PKHD1L1: variants seen among roughly 807,000 people sequenced by gnomAD.
The protein encoded by PKHD1L1 is fibrocystin-L.
In PKHD1L1, 434 loss-of-function variants were observed where a neutral mutation model predicts 462.9. The observed-to-expected ratio is 0.94, with a 90% CI of 0.87 to 1.02. The LOEUF (loss-of-function observed/expected upper bound fraction) is 1.02, where lower values mean the gene tolerates loss of function less well. Ranked by LOEUF, PKHD1L1 falls within the 50% of genes least tolerant of loss-of-function variation. The pLI, the probability that PKHD1L1 is intolerant of heterozygous loss-of-function variation, is 0.00. For missense variants in PKHD1L1, 5,202 were observed against 5,096.1 expected, an observed-to-expected ratio of 1.02 and a Z score of -0.63; for synonymous variants, 1,781 against 1,750.0, an observed-to-expected ratio of 1.02 and a Z score of -0.44.
rs1563550118 is a variant in PKHD1L1 at position 109,444,772 on chromosome 8, TTGAC to T, written c.4906_4909del (p.Thr1636SerfsTer38). 5 of 1,613,934 alleles carry T rather than the reference TTGAC, an allele frequency of 3.1e-6. No homozygotes were observed. Among genetic ancestry groups the T allele is most frequent in the Admixed American group, 1.7e-5 (1 of 60,008 alleles). Reference sequence around the variant, plus strand: ...TGTTGGTATCAGGGAAACTGTCACTTTGACTGTCTACAACCTGGGCACTGCTATC... The same window carrying T: ...TGTTGGTATCAGGGAAACTGTCACTTTGTCTACAACCTGGGCACTGCTATC... On this transcript the variant is annotated frameshift_variant, in exon 38 of 78. Transcript: ENST00000378402. LOFTEE classifies it high-confidence loss of function.
intron 38 of PKHD1L1, among the ~76,000 whole-genome samples, chr8:109,445,922 G>GA (rs1407337415): frequency 6.6e-6 from 1 of 152,206 alleles, no homozygotes; most frequent in East Asian, 1.9e-4. Context: ...AATAAGTGAA[G>GA]ATAGACCAAA....
intron 23 of PKHD1L1, among the ~76,000 whole-genome samples, chr8:109,422,438 A>G (rs944109990): frequency 6.6e-6 from 1 of 152,206 alleles, no homozygotes; most frequent in African/African-American, 2.4e-5. Context: ...CGTTTCAAGA[A>G]TGCTACAAAA....
At chr8:109,439,362 C>T (rs1482934403) in intron 32 of PKHD1L1, among the ~76,000 whole-genome samples, 1 of 152,214 alleles carries the variant, frequency 6.6e-6, no homozygotes, top group Middle Eastern at 3.4e-3. Context: ...TCAGGAAATG[C>T]ATATCAAGTA....
At chr8:109,420,417 C>G (rs1814400891) in intron 22 of PKHD1L1, 101 bp from the exon 23 acceptor site, 1 of 614,082 alleles carries the variant, frequency 1.6e-6, no homozygotes, top group South Asian at 4.2e-5. Flanking sequence ...TTTTTAGCAA[C>G]AGAAGCAATG....
chr8:109,462,155 C>T (rs1389732390), intron 48 of PKHD1L1, among the ~76,000 whole-genome samples: 1 of 152,120 alleles, frequency 6.6e-6, no homozygotes, highest in Non-Finnish European at 1.5e-5. Context: ...AACCAGAATC[C>T]AGTCTCTTTC....
rs750702995 is a variant in PKHD1L1, at chr8:109,497,192, A to G, written c.10519A>G (p.Asn3507Asp). The G allele has an allele frequency of 6.2e-7, 1 of 1,613,750 alleles. No homozygotes were observed. The highest frequency in any genetic ancestry group is 2.2e-5 in the East Asian group (1 of 44,876). ...CATTTATAATGTGACCCTGGTTGAC[A>G]ATGGAATGGCCATTTTTCCAATGAT... ...VHIYNVTLVDNGMAIFPMIYM... is the reference protein window; with the variant it reads ...VHIYNVTLVDDGMAIFPMIYM... Residue 3507 changes from asparagine to aspartate, a missense_variant, in exon 65 of 78, where the codon AAT becomes GAT. Asn to Asp is a conservative substitution (Grantham distance 23). This residue lies in a region of PKHD1L1 where 4,497 missense variants were observed against 4,336.8 expected (regional missense o/e 1.04). Transcript: ENST00000378402.
chr8:109,364,895 C>G (rs1404350896), intron 2 of PKHD1L1, among the ~76,000 whole-genome samples: 1 of 152,120 alleles, frequency 6.6e-6, no homozygotes, highest in African/African-American at 2.4e-5. Context: ...AAAAGGAATG[C>G]AATTAACCCA....
chr8:109,468,889 G>T (rs1817580636), intron 50 of PKHD1L1, among the ~76,000 whole-genome samples: 1 of 152,132 alleles, frequency 6.6e-6, no homozygotes, highest in African/African-American at 2.4e-5. Context: ...CTAGAAAATA[G>T]GTAAGAAGCA....
intron 2 of PKHD1L1, among the ~76,000 whole-genome samples, chr8:109,377,646 G>A (rs548805954): frequency 5.3e-5 from 8 of 152,124 alleles, no homozygotes; most frequent in African/African-American, 1.9e-4. Flanking sequence ...GGCAAAAGCT[G>A]TTTATTTCCT....
chr8:109,479,886 T>A (rs1818185463), intron 54 of PKHD1L1, 105 bp from the exon 55 acceptor site: 2 of 1,117,812 alleles, frequency 1.8e-6, no homozygotes, highest in Non-Finnish European at 2.5e-6. Flanking sequence ...TGAAAAGACA[T>A]GTCATAAACA....
intron 73 of PKHD1L1, among the ~76,000 whole-genome samples, chr8:109,519,747 TC>T (rs1278739106): frequency 6.6e-6 from 1 of 152,128 alleles, no homozygotes; most frequent in Non-Finnish European, 1.5e-5. Flanking sequence ...CATAATGTGG[TC>T]AAATCATTGA....
In PKHD1L1 at chr8:109,531,597, G is replaced by C. The variant is rs1006608825; in HGVS notation, c.*1507G>C. ...TAGAAGAGCAGTGGAAGAAAACTGGGAGAGGACCACTGAAGGCCTAGGGGC... is the reference window on the plus strand; with the variant it reads ...TAGAAGAGCAGTGGAAGAAAACTGGCAGAGGACCACTGAAGGCCTAGGGGC... On this transcript the variant is annotated 3_prime_UTR_variant, in exon 78 of 78. Coordinates refer to ENST00000378402, the MANE Select transcript of PKHD1L1 (RefSeq NM_177531.6). Among the ~76,000 whole-genome samples the C allele has an allele frequency of 6.6e-6, 1 of 152,126 alleles. No homozygotes were observed. The highest frequency in any genetic ancestry group is 6.6e-5 in the Admixed American group (1 of 15,264).
rs1813532715 is a variant in PKHD1L1 at position 109,406,340 on chromosome 8, C to T, written c.1675C>T (p.Leu559=). The change falls in exon 17 of 78, where the codon CTA becomes TTA. Residue 559 remains leucine, a synonymous_variant. Coordinates refer to ENST00000378402, the MANE Select transcript of PKHD1L1 (RefSeq NM_177531.6). ...LIYNMEKTVF[L]PADASEFILQ... is the part of the protein sequence containing the mutation. ...TTGTTTTAATCCAATCAAAGTCTTC[C>T]TACCTGCTGATGCTTCTGAATTCAT... 3.9e-6 allele frequency: 6 copies of T among 1,546,594 alleles called. No homozygotes were observed. In the Admixed American group the frequency reaches 1.0e-4, roughly 26 times the overall value.
intron 73 of PKHD1L1, among the ~76,000 whole-genome samples, chr8:109,520,002 A>T (rs1412502318): frequency 6.6e-6 from 1 of 152,104 alleles, no homozygotes; most frequent in African/African-American, 2.4e-5. Context: ...CATTGACCCT[A>T]TGCACCTACC....
At chr8:109,415,001 ATTATTATTATTT>A (rs1314326804) in intron 21 of PKHD1L1, among the ~76,000 whole-genome samples, 1 of 125,786 alleles carries the variant, frequency 8.0e-6, no homozygotes, top group Non-Finnish European at 1.6e-5. Context: ...TATTATTATT[ATTATTATTATTT>A]TTGAGACAGG....
chr8:109,451,976 T>C, intron 41 of PKHD1L1, 148 bp from the exon 42 acceptor site: 1 of 653,532 alleles, frequency 1.5e-6, no homozygotes, highest in South Asian at 2.7e-5. Context: ...AGTCTTAATA[T>C]TGAAAAAAAG....
chr8:109,513,449 A>C (rs1025625059), intron 71 of PKHD1L1, among the ~76,000 whole-genome samples: 1 of 152,142 alleles, frequency 6.6e-6, no homozygotes, highest in African/African-American at 2.4e-5. Context: ...TGTTATTTTT[A>C]ATATCTTCAA....
At chr8:109,430,808 A>G (rs1357160746) in intron 27 of PKHD1L1, among the ~76,000 whole-genome samples, 4 of 152,200 alleles carry the variant, frequency 2.6e-5, no homozygotes, top group African/African-American at 9.6e-5. Context: ...GAAAGAATAT[A>G]TTCTTCAGAC....
intron 32 of PKHD1L1, among the ~76,000 whole-genome samples, chr8:109,440,169 T>C (rs1586515368): frequency 6.6e-6 from 1 of 152,202 alleles, no homozygotes; most frequent in East Asian, 1.9e-4. Flanking sequence ...AGAATTTACA[T>C]TTTGATGGCC....
Sources: gnomAD v4.1 joint callset for allele counts (sites outside exome capture counted in the v4.1 genomes callset) on GRCh38, gnomAD v4.1.1 for gene constraint, gnomAD v4.1.1 regional missense constraint, MANE v1.5 for transcripts, NCBI Gene and HGNC (gene_info 2026-07-23, HGNC 2026-07-21) for gene names.